Variants in SEMA5A observed in about 807,000 individuals in gnomAD.
The protein encoded by SEMA5A is semaphorin 5A, also known as semaphorin-5A.
Under a neutral mutation model 135.5 loss-of-function variants are expected in SEMA5A, and 55 were observed. That is an observed-to-expected ratio of 0.41 (90% confidence interval 0.33 to 0.51). SEMA5A has a LOEUF of 0.51. SEMA5A is among the 20% of genes least tolerant of loss of function. The probability of loss-of-function intolerance (pLI) is 0.37; values close to 1 mark genes in which losing one functional copy is unlikely to be tolerated. For missense variants in SEMA5A, 1,290 were observed against 1,419.9 expected (o/e 0.91, Z 1.47); for synonymous variants, 580 against 546.5 (o/e 1.06, Z -0.85).
intron 7 of SEMA5A, among the ~76,000 whole-genome samples, chr5:9,225,894 C>T (rs1747282703): frequency 6.6e-6 from 1 of 152,006 alleles, no homozygotes; most frequent in Non-Finnish European, 1.5e-5. Context: ...AGGGTCAGGC[C>T]CGGTAGGTAC....
intron 2 of SEMA5A, among the ~76,000 whole-genome samples, chr5:9,381,914 A>G (rs886903187): frequency 3.4e-5 from 5 of 147,664 alleles, no homozygotes; most frequent in Non-Finnish European, 7.4e-5. Context: ...CAGCAGATGG[A>G]TTTTGTTTAG....
At chr5:9,283,887 T>C (rs1292236659) in intron 5 of SEMA5A, among the ~76,000 whole-genome samples, 2 of 152,212 alleles carry the variant, frequency 1.3e-5, no homozygotes, top group Non-Finnish European at 2.9e-5. Flanking sequence ...AACTTCACCT[T>C]ATTTTCATGA....
intron 5 of SEMA5A, among the ~76,000 whole-genome samples, chr5:9,293,944 A>C (rs1213864721): frequency 6.6e-6 from 1 of 152,232 alleles, no homozygotes; most frequent in Non-Finnish European, 1.5e-5. Context: ...CTTTCTTTGT[A>C]AGATCCCAAT....
At chr5:9,347,381 T>C (rs1354933156) in intron 3 of SEMA5A, among the ~76,000 whole-genome samples, 1 of 152,166 alleles carries the variant, frequency 6.6e-6, no homozygotes, top group Non-Finnish European at 1.5e-5. Context: ...AGGTCTACAC[T>C]CTGGATTTGG....
chr5:9,051,764 T>A (rs1052235471), intron 20 of SEMA5A, 109 bp downstream of exon 20: 1 of 1,339,586 alleles, frequency 7.5e-7, no homozygotes, highest in Non-Finnish European at 1.0e-6. Context: ...CTTGATGGAA[T>A]CATCTCTATT....
intron 5 of SEMA5A, among the ~76,000 whole-genome samples, chr5:9,308,187 A>G (rs1751961718): frequency 6.6e-6 from 1 of 152,174 alleles, no homozygotes; most frequent in Non-Finnish European, 1.5e-5. Context: ...CACCCCATCC[A>G]GCTCTTATGA....
intron 16 of SEMA5A, among the ~76,000 whole-genome samples, chr5:9,079,480 T>G (rs536225736): frequency 3.0e-4 from 46 of 151,822 alleles, no homozygotes; most frequent in Non-Finnish European, 5.7e-4. Flanking sequence ...AAATTGACAT[T>G]CTAACATCAC....
chr5:9,318,655 CA>C (rs1752494245), intron 4 of SEMA5A, among the ~76,000 whole-genome samples: 1 of 152,162 alleles, frequency 6.6e-6, no homozygotes, highest in South Asian at 2.1e-4. Context: ...TGTGTCTGTA[CA>C]TACTTACGGT....
At chr5:9,521,170 G>A (rs1445957311) in intron 1 of SEMA5A, among the ~76,000 whole-genome samples, 1 of 152,196 alleles carries the variant, frequency 6.6e-6, no homozygotes, top group Non-Finnish European at 1.5e-5. Context: ...AGCACTTTGG[G>A]AGGCTGAGGC....
Position 9,052,117 on chromosome 5 carries a change from T to C in SEMA5A, c.2690-89A>G, listed in dbSNP as rs1035658918. 4.9e-5 allele frequency: 67 copies of C among 1,364,228 alleles called. No homozygotes were observed. The Middle Eastern group carries it at 1.6e-3, about 32-fold the overall frequency. The allele number at this position is 1,364,228 out of a possible 1,614,324, so 84.5% of individuals were successfully genotyped here. ...ACTGGCAAGTTACATATGTGATTTC[T>C]GGATTCCAGGATTCCATAGCATATT... is the stretch of plus-strand genomic sequence containing the variant. On this transcript the variant is annotated intron_variant, in intron 19 of 22. Transcript: ENST00000382496.
At position 9,086,774 on chromosome 5, in the gene SEMA5A, G is replaced by A. The variant is rs147569018; in HGVS notation, c.2074-20128C>T. On this transcript the variant is annotated intron_variant, in intron 16 of 22. Coordinates refer to ENST00000382496, the MANE Select transcript of SEMA5A (RefSeq NM_003966.3). Reference sequence around the variant, plus strand: ...TGATGACATCATGACCCAATAATCCGTTTATGAATGCTGTTGATAGATTTA... The same window carrying A: ...TGATGACATCATGACCCAATAATCCATTTATGAATGCTGTTGATAGATTTA... 9.4e-3 allele frequency among the ~76,000 whole-genome samples: 1,429 copies of A among 152,166 alleles called. 19 individuals are homozygous for A. Among genetic ancestry groups the A allele is most frequent in the South Asian group, 0.03 (146 of 4,818 alleles).
At chr5:9,435,967 G>GTTC (rs1256778516) in intron 2 of SEMA5A, among the ~76,000 whole-genome samples, 1 of 152,180 alleles carries the variant, frequency 6.6e-6, no homozygotes, top group Non-Finnish European at 1.5e-5. Context: ...AAATATGACT[G>GTTC]TTCTTATTCT....
At chr5:9,361,612 T>G (rs1040746080) in intron 3 of SEMA5A, among the ~76,000 whole-genome samples, 1 of 152,226 alleles carries the variant, frequency 6.6e-6, no homozygotes, top group Non-Finnish European at 1.5e-5. Context: ...ATCCACCTCA[T>G]AATGCTCTTT....
intron 3 of SEMA5A, among the ~76,000 whole-genome samples, chr5:9,372,786 A>C (rs1353832684): frequency 2.0e-5 from 3 of 152,160 alleles, no homozygotes; most frequent in Admixed American, 2.0e-4. Flanking sequence ...GCCATGTCAC[A>C]CACATGGACC....
intron 16 of SEMA5A, among the ~76,000 whole-genome samples, chr5:9,071,933 G>A (rs1205681813): frequency 6.6e-6 from 1 of 152,164 alleles, no homozygotes; most frequent in Non-Finnish European, 1.5e-5. Context: ...GTATCTACAT[G>A]GAAGTAGAAC....
At chr5:9,374,509 T>C (rs1561197684) in intron 3 of SEMA5A, among the ~76,000 whole-genome samples, 1 of 152,158 alleles carries the variant, frequency 6.6e-6, no homozygotes, top group Non-Finnish European at 1.5e-5. Context: ...TCTCAAAGTT[T>C]CTTGGAATGG....
intron 12 of SEMA5A, 123 bp from the exon 13 acceptor site, chr5:9,136,744 G>GATTTCTTACA: frequency 1.3e-6 from 1 of 756,154 alleles, no homozygotes; most frequent in Non-Finnish European, 2.4e-6. Flanking sequence ...AGCCCAATGG[G>GATTTCTTACA]TATTTAGGCT....
At chr5:9,460,878 AT>A (rs1210324025) in intron 1 of SEMA5A, among the ~76,000 whole-genome samples, 1 of 152,198 alleles carries the variant, frequency 6.6e-6, no homozygotes, top group Non-Finnish European at 1.5e-5. Context: ...CAGCTTATTT[AT>A]TACCTTAAGA....
chr5:9,094,778 G>A (rs1297843147), intron 16 of SEMA5A, among the ~76,000 whole-genome samples: 1 of 152,186 alleles, frequency 6.6e-6, no homozygotes, highest in Non-Finnish European at 1.5e-5. Flanking sequence ...GACTGAAACA[G>A]ATGTGGAAAA....
Sources: gnomAD v4.1 joint callset for allele counts (sites outside exome capture counted in the v4.1 genomes callset) on GRCh38, gnomAD v4.1.1 for gene constraint, MANE v1.5 for transcripts, NCBI Gene and HGNC (gene_info 2026-07-23, HGNC 2026-07-21) for gene names.